TANC1: variants seen among roughly 807,000 people sequenced by gnomAD.
TANC1 encodes the protein tetratricopeptide repeat, ankyrin repeat and coiled-coil containing 1.
In TANC1, 77 loss-of-function variants were observed where a neutral mutation model predicts 149.7. The ratio of observed to expected loss-of-function variants is 0.51; its 90% CI spans 0.43 to 0.62. The LOEUF (loss-of-function observed/expected upper bound fraction) is 0.62. Among genes scored for constraint, TANC1 ranks in the 20% least tolerant of loss-of-function variants. The pLI is 0.00. For synonymous variants in TANC1, 854 were observed against 925.0 expected (o/e 0.92, Z 1.39); for missense variants, 1,985 against 2,321.8 (o/e 0.85, Z 2.98).
chr2:159,017,853 A>G (rs1325961892), intron 2 of TANC1, among the ~76,000 whole-genome samples: 1 of 152,170 alleles, frequency 6.6e-6, no homozygotes, highest in Non-Finnish European at 1.5e-5. Context: ...CTGCACATGT[A>G]TCCCAGAACT....
At chr2:159,004,057 A>G (rs1163225021) in intron 2 of TANC1, 3 of 1,612,300 alleles carry the variant, frequency 1.9e-6, no homozygotes, top group Non-Finnish European at 1.7e-6. Context: ...CATTTCAACA[A>G]TCCCAAAGTC....
At position 159,001,347 on chromosome 2, in the gene TANC1, G is replaced by T. The variant is rs1055746307; in HGVS notation, c.-16+158G>T. On this transcript the variant is annotated intron_variant, in intron 2 of 26. Transcript: ENST00000263635. The surrounding 1 kb of genome is among the most constrained non-coding windows in gnomAD (Gnocchi z 4.3). ...CACTGGTGAGCCAGCGCCTCCAGGG[G>T]AGAGAAGCCCTGTCAAAAGCAGAGA... Among the ~76,000 whole-genome samples the T allele has an allele frequency of 1.3e-5, 2 of 152,176 alleles. No individual in the cohort carries two copies. The highest frequency in any genetic ancestry group is 4.1e-4 in the South Asian group (2 of 4,828).
rs560640218 is a variant in TANC1 at position 158,969,824 on chromosome 2, C to T, written c.-126+1042C>T. ...GGACGCCAGGCTCGGCAACGGCCTT[C>T]TCCCAGCCCCCTCCTGCCAGCTCCA... On this transcript the variant is annotated intron_variant, in intron 1 of 26. Coordinates refer to ENST00000263635, the MANE Select transcript of TANC1 (RefSeq NM_033394.3). 3.9e-5 allele frequency among the ~76,000 whole-genome samples: 6 copies of T among 152,332 alleles called. No individual in the cohort carries two copies. The South Asian group carries it at 1.2e-3, about 32-fold the overall frequency.
chr2:159,075,098 C>T (rs577690978), intron 3 of TANC1, among the ~76,000 whole-genome samples: 10 of 152,028 alleles, frequency 6.6e-5, no homozygotes, highest in African/African-American at 1.4e-4. Context: ...ATTATAAACA[C>T]GATACCCTGG....
intron 19 of TANC1, among the ~76,000 whole-genome samples, chr2:159,213,648 A>C (rs773013325): frequency 3.3e-4 from 50 of 152,072 alleles, no homozygotes; most frequent in Non-Finnish European, 8.8e-5. Context: ...ACTGTCTTGA[A>C]AGAATCCACT....
At chr2:159,142,232 C>T (rs1462416507) in intron 5 of TANC1, among the ~76,000 whole-genome samples, 1 of 152,116 alleles carries the variant, frequency 6.6e-6, no homozygotes, top group Non-Finnish European at 1.5e-5. Flanking sequence ...ACTTCTAGTC[C>T]CCAAGACACT....
At chr2:159,195,303 A>G (rs1180236141) in intron 17 of TANC1, among the ~76,000 whole-genome samples, 3 of 152,104 alleles carry the variant, frequency 2.0e-5, no homozygotes, top group African/African-American at 4.8e-5. Flanking sequence ...TATTTTTAGT[A>G]CAGATGGGGT....
In TANC1 at chr2:159,231,780, G is replaced by A. The variant is rs908515825; in HGVS notation, c.*768G>A. On this transcript the variant is annotated 3_prime_UTR_variant, in exon 27 of 27. Coordinates refer to ENST00000263635, the MANE Select transcript of TANC1 (RefSeq NM_033394.3). ...AATACTAAGACCAGCATTCTTAGTG[G>A]CGCTTATAAATTAGCTCTCACCTGG... The A allele has an allele frequency of 2.6e-5, 4 of 152,108 alleles. No homozygotes were observed. The highest frequency in any genetic ancestry group is 9.7e-5 in the African/African-American group (4 of 41,406). 9.4% of individuals were successfully genotyped at this position (152,108 alleles called of 1,614,324 possible). A position where few individuals can be genotyped will look rare whatever the true frequency, so the allele number is the denominator to read the frequency against.
At chr2:159,222,074 T>C (rs1035247188) in intron 22 of TANC1, among the ~76,000 whole-genome samples, 5 of 152,222 alleles carry the variant, frequency 3.3e-5, no homozygotes, top group Non-Finnish European at 7.3e-5. Flanking sequence ...CAGAGTTCAA[T>C]GGTATAAACT....
intron 1 of TANC1, among the ~76,000 whole-genome samples, chr2:158,981,267 C>G (rs976784998): frequency 6.6e-6 from 1 of 151,008 alleles, no homozygotes; most frequent in Admixed American, 6.6e-5. Context: ...CCCTGGGCAA[C>G]ACGGTGAGAC....
chr2:159,018,375 A>G (rs1035652219), intron 2 of TANC1, among the ~76,000 whole-genome samples: 1 of 152,210 alleles, frequency 6.6e-6, no homozygotes, highest in African/African-American at 2.4e-5. Context: ...GAGAACATGA[A>G]CTTATAGTGC....
At chr2:159,146,752 G>A (rs979626562) in intron 5 of TANC1, among the ~76,000 whole-genome samples, 1 of 151,888 alleles carries the variant, frequency 6.6e-6, no homozygotes, top group African/African-American at 2.4e-5. Flanking sequence ...TGTTGGCCAG[G>A]CTGCTCTCAA....
At chr2:159,196,078 G>A (rs542918476) in intron 17 of TANC1, among the ~76,000 whole-genome samples, 3 of 152,274 alleles carry the variant, frequency 2.0e-5, no homozygotes, top group South Asian at 2.1e-4. Flanking sequence ...CCAGGCCACC[G>A]GCCTACATGA....
chr2:159,027,371 A>G (rs1210919472), intron 2 of TANC1, among the ~76,000 whole-genome samples: 1 of 152,228 alleles, frequency 6.6e-6, no homozygotes, highest in African/African-American at 2.4e-5. Context: ...GACCTAGGAC[A>G]TGGACACAAT....
chr2:159,185,666 C>T (rs528619549), intron 14 of TANC1, 125 bp from the exon 15 acceptor site: 19 of 653,782 alleles, frequency 2.9e-5, no homozygotes, highest in South Asian at 3.8e-5. Context: ...CTTAGCCTCC[C>T]GGAGTTTACA....
At chr2:159,226,008 C>T (rs925001360) in intron 24 of TANC1, 2 of 524,254 alleles carry the variant, frequency 3.8e-6, no homozygotes, top group African/African-American at 3.9e-5. Context: ...ATGGCAAAAC[C>T]CCATCTTTAC....
chr2:159,224,629 G>T, intron 23 of TANC1: 2 of 403,392 alleles, frequency 5.0e-6, no homozygotes, highest in Non-Finnish European at 9.2e-6. Flanking sequence ...CGCCAGAGAG[G>T]AACCACAGCC....
At position 159,230,181 on chromosome 2, in the gene TANC1, A is replaced by G. The variant is rs3821296; in HGVS notation, c.4755A>G (p.Thr1585=). ...GCAGAACCCAGCATTTAGAGGGAACAGGTACTTTCACTACAAGAGCTGGTT... is the reference window on the plus strand; with the variant it reads ...GCAGAACCCAGCATTTAGAGGGAACGGGTACTTTCACTACAAGAGCTGGTT... ...AGSRTQHLEG[T]GTFTTRAGCG... Residue 1585 remains threonine, a synonymous_variant, in exon 27 of 27, where the codon ACA becomes ACG. Coordinates refer to ENST00000263635, the MANE Select transcript of TANC1 (RefSeq NM_033394.3). This position sits in a 1 kb window ranked among gnomAD's most constrained non-coding sequence, Gnocchi z 4.4. 0.38 allele frequency: 618,571 copies of G among 1,613,872 alleles called. 123,955 individuals carry two copies. Among genetic ancestry groups the G allele is most frequent in the East Asian group, 0.62 (27,826 of 44,854 alleles).
chr2:158,976,688 C>T (rs1330881805), intron 1 of TANC1, among the ~76,000 whole-genome samples: 9 of 152,130 alleles, frequency 5.9e-5, no homozygotes, highest in Admixed American at 6.5e-5. Context: ...TAAGACCAGC[C>T]TGGCCAACAT....
Sources: gnomAD v4.1 joint callset for allele counts (sites outside exome capture counted in the v4.1 genomes callset) on GRCh38, gnomAD v4.1.1 for gene constraint, Gnocchi (gnomAD v3.1) non-coding constraint, MANE v1.5 for transcripts, NCBI Gene and HGNC (gene_info 2026-07-23, HGNC 2026-07-21) for gene names.